Variants in KANSL1L observed in about 807,000 individuals in gnomAD.
The protein encoded by KANSL1L is KAT8 regulatory NSL complex subunit 1-like protein.
A neutral mutation model predicts 108.6 loss-of-function variants in KANSL1L; 25 were observed. That is an observed-to-expected ratio of 0.23 (90% confidence interval 0.17 to 0.32). The LOEUF (loss-of-function observed/expected upper bound fraction) is 0.32. KANSL1L is among the 10% of genes least tolerant of loss of function. The pLI is 1.00. For synonymous variants in KANSL1L, 405 were observed against 395.1 expected (o/e 1.03, Z -0.30); for missense variants, 1,137 against 1,125.7 (o/e 1.01, Z -0.14).
intron 8 of KANSL1L, among the ~76,000 whole-genome samples, chr2:210,039,518 G>T (rs1252677458): frequency 6.6e-6 from 1 of 151,544 alleles, no homozygotes; most frequent in Non-Finnish European, 1.5e-5. Flanking sequence ...CATTTGACTC[G>T]AGTTTTTGAG....
At chr2:210,124,963 G>T (rs1166550167) in intron 3 of KANSL1L, among the ~76,000 whole-genome samples, 1 of 151,990 alleles carries the variant, frequency 6.6e-6, no homozygotes, top group Non-Finnish European at 1.5e-5. Flanking sequence ...CAAAGAAATA[G>T]AAAATTTGGG....
At chr2:210,041,934 C>T (rs1015590674) in intron 7 of KANSL1L, among the ~76,000 whole-genome samples, 1 of 152,080 alleles carries the variant, frequency 6.6e-6, no homozygotes, top group African/African-American at 2.4e-5. Context: ...AATTAGGTGA[C>T]AAAATGAAAA....
chr2:210,146,461 T>C (rs1021893416), intron 2 of KANSL1L, among the ~76,000 whole-genome samples: 1 of 152,200 alleles, frequency 6.6e-6, no homozygotes, highest in African/African-American at 2.4e-5. Flanking sequence ...CAATTAACAC[T>C]TGCATAACTT....
intron 2 of KANSL1L, among the ~76,000 whole-genome samples, chr2:210,140,663 T>C (rs1177375253): frequency 2.0e-5 from 3 of 152,240 alleles, no homozygotes; most frequent in African/African-American, 7.2e-5. Flanking sequence ...ACATAAATTT[T>C]TGAATTTTTT....
intron 5 of KANSL1L, chr2:210,096,853 TA>T: frequency 1.3e-6 from 1 of 795,946 alleles, no homozygotes; most frequent in Non-Finnish European, 1.5e-6. Context: ...TAACTCAACA[TA>T]AATAAAATAG....
Position 210,025,155 on chromosome 2 carries a change from T to C in KANSL1L, c.2513A>G (p.Gln838Arg). 1 of 1,613,640 alleles carries C rather than the reference T, an allele frequency of 6.2e-7. No homozygotes were observed. The highest frequency in any genetic ancestry group is 8.5e-7 in the Non-Finnish European group (1 of 1,179,526). The change falls in exon 13 of 15, where the codon CAA becomes CGA. Residue 838 changes from glutamine to arginine, a missense_variant. Around this residue, in one of 3 missense-constraint regions of KANSL1L, gnomAD observed 575 missense variants for 567.1 expected, o/e 1.01. Transcript: ENST00000281772. ...LRHKKYEERE[Q>R]ARWSLWEQSK... is the part of the protein sequence containing the mutation. Reference sequence around the variant, plus strand: ...TTGCTCCCATAGTGACCACCTGGCTTGCTCTCTCTCTTCATATTTTTTGTG... The same window carrying C: ...TTGCTCCCATAGTGACCACCTGGCTCGCTCTCTCTCTTCATATTTTTTGTG...
intron 2 of KANSL1L, among the ~76,000 whole-genome samples, chr2:210,149,286 C>G (rs1287132473): frequency 6.6e-6 from 1 of 152,096 alleles, no homozygotes; most frequent in Admixed American, 6.6e-5. Flanking sequence ...AATCATTAAA[C>G]AGAAGACAAT....
In KANSL1L at chr2:210,148,881, T is replaced by C. The variant is rs949124491; in HGVS notation, c.1088+4614A>G. 5.9e-5 allele frequency among the ~76,000 whole-genome samples: 9 copies of C among 152,132 alleles called. No homozygotes were observed. The East Asian group carries it at 1.5e-3, about 26-fold the overall frequency. On this transcript the variant is annotated intron_variant, in intron 2 of 14. Transcript: ENST00000281772. ...TCAGGGCTACTAACTCAAAGAAAAA[T>C]AGAAGGCATATAATATTAATATAAT...
intron 3 of KANSL1L, among the ~76,000 whole-genome samples, chr2:210,119,801 A>G (rs1416379553): frequency 6.6e-6 from 1 of 152,224 alleles, no homozygotes; most frequent in Non-Finnish European, 1.5e-5. Context: ...GTCATTCAAT[A>G]TAATACTGGA....
At chr2:210,134,949 C>G (rs2095160677) in intron 2 of KANSL1L, among the ~76,000 whole-genome samples, 1 of 151,982 alleles carries the variant, frequency 6.6e-6, no homozygotes, top group South Asian at 2.1e-4. Context: ...GAATCATAGA[C>G]CAAGAGTAAT....
chr2:210,165,739 T>C (rs1168482051), intron 1 of KANSL1L, among the ~76,000 whole-genome samples: 1 of 152,194 alleles, frequency 6.6e-6, no homozygotes, highest in Non-Finnish European at 1.5e-5. Context: ...AGAACGTTCA[T>C]TGTGAGTTAA....
At chr2:210,114,799 G>A (rs1168521852) in intron 3 of KANSL1L, among the ~76,000 whole-genome samples, 1 of 151,872 alleles carries the variant, frequency 6.6e-6, no homozygotes, top group Non-Finnish European at 1.5e-5. Flanking sequence ...CAACCAAAAG[G>A]GGTGGGAACA....
At chr2:210,058,301 A>T (rs867262784) in intron 6 of KANSL1L, among the ~76,000 whole-genome samples, 1 of 152,118 alleles carries the variant, frequency 6.6e-6, no homozygotes, top group Admixed American at 6.5e-5. Flanking sequence ...CCACCTAATA[A>T]ATTTTGGTCC....
chr2:210,031,059 A>G (rs1167222791), intron 9 of KANSL1L: 2 of 163,930 alleles, frequency 1.2e-5, no homozygotes, highest in Non-Finnish European at 2.6e-5. Flanking sequence ...CAGTGCATCA[A>G]CATCTCCACA....
At chr2:210,161,784 T>G (rs1675880509) in intron 1 of KANSL1L, among the ~76,000 whole-genome samples, 1 of 152,114 alleles carries the variant, frequency 6.6e-6, no homozygotes, top group Non-Finnish European at 1.5e-5. Context: ...TTTATTTATT[T>G]TTTTAGGTAT....
At chr2:210,132,296 A>G (rs1272672582) in intron 2 of KANSL1L, among the ~76,000 whole-genome samples, 1 of 152,170 alleles carries the variant, frequency 6.6e-6, no homozygotes, top group East Asian at 1.9e-4. Context: ...CTAATGCACC[A>G]GCATACTCAG....
At chr2:210,167,173 G>T (rs1688036342) in intron 1 of KANSL1L, among the ~76,000 whole-genome samples, 1 of 151,948 alleles carries the variant, frequency 6.6e-6, no homozygotes. Context: ...TGGAAAGTAG[G>T]AATACAAAAT....
intron 6 of KANSL1L, chr2:210,064,343 T>C (rs1418374100): frequency 1.3e-5 from 2 of 152,204 alleles, no homozygotes; most frequent in Non-Finnish European, 2.9e-5. Flanking sequence ...TATTAGCTAT[T>C]ATTATTTGAC....
At chr2:210,098,315 T>A (rs2125408509) in intron 4 of KANSL1L, 108 bp from the exon 5 acceptor site, 1 of 978,712 alleles carries the variant, frequency 1.0e-6, no homozygotes, top group East Asian at 2.9e-5. Context: ...CACATGTTTT[T>A]ATTTTAGTAA....
Sources: allele counts gnomAD v4.1 joint callset (sites outside exome capture counted in the v4.1 genomes callset), GRCh38; gene constraint gnomAD v4.1.1; regional missense constraint gnomAD v4.1.1; transcripts MANE v1.5; gene names NCBI Gene and HGNC (gene_info 2026-07-23, HGNC 2026-07-21).